SLC25A21: variants seen among roughly 807,000 people sequenced by gnomAD.
SLC25A21 encodes the protein mitochondrial 2-oxodicarboxylate carrier.
A neutral mutation model predicts 43.8 loss-of-function variants in SLC25A21; 47 were observed. The ratio of observed to expected loss-of-function variants is 1.07; its 90% confidence interval spans 0.85 to 1.37. SLC25A21 has a LOEUF of 1.37. Among genes scored for constraint, SLC25A21 ranks in the 40% most tolerant of loss-of-function variants. The probability of loss-of-function intolerance (pLI) is 0.00; values close to 1 mark genes in which losing one functional copy is unlikely to be tolerated. For missense variants in SLC25A21, 352 were observed against 350.2 expected, an observed-to-expected ratio of 1.00 and a Z score of -0.04; for synonymous variants, 131 against 121.3, an observed-to-expected ratio of 1.08 and a Z score of -0.52.
chr14:37,072,874 T>C (rs529680997), intron 1 of SLC25A21, among the ~76,000 whole-genome samples: 25 of 152,258 alleles, frequency 1.6e-4, no homozygotes, highest in Non-Finnish European at 3.4e-4. Flanking sequence ...CACATATACA[T>C]GTGTAGATAA....
intron 1 of SLC25A21, among the ~76,000 whole-genome samples, chr14:36,941,561 C>T (rs746390606): frequency 3.8e-4 from 57 of 151,778 alleles, no homozygotes; most frequent in South Asian, 6.2e-4. Context: ...CAGTATTTTC[C>T]GCACAGAAAA....
intron 1 of SLC25A21, among the ~76,000 whole-genome samples, chr14:36,943,030 C>T (rs1245017432): frequency 1.3e-5 from 2 of 152,104 alleles, no homozygotes; most frequent in African/African-American, 2.4e-5. Flanking sequence ...GAGTCAGAAA[C>T]GCAAATCTGA....
At chr14:36,781,460 T>C (rs892324397) in intron 3 of SLC25A21, among the ~76,000 whole-genome samples, 1 of 151,010 alleles carries the variant, frequency 6.6e-6, no homozygotes, top group African/African-American at 2.5e-5. Context: ...TGGTATGTGT[T>C]GATTTCTTTA....
At chr14:36,872,943 C>A (rs1255364161) in intron 2 of SLC25A21, among the ~76,000 whole-genome samples, 1 of 152,178 alleles carries the variant, frequency 6.6e-6, no homozygotes, top group East Asian at 1.9e-4. Context: ...CTGAAACCCA[C>A]ATGCACTAGA....
At chr14:36,732,826 T>C (rs903001344) in intron 4 of SLC25A21, among the ~76,000 whole-genome samples, 3 of 152,214 alleles carry the variant, frequency 2.0e-5, no homozygotes, top group African/African-American at 7.2e-5. Context: ...GCTATCCATC[T>C]GGCAAAGATA....
At chr14:36,958,020 T>C (rs922024469) in intron 1 of SLC25A21, among the ~76,000 whole-genome samples, 1 of 152,214 alleles carries the variant, frequency 6.6e-6, no homozygotes, top group Non-Finnish European at 1.5e-5. Flanking sequence ...GGGTTCACGT[T>C]AGCAGAAAAT....
At chr14:36,889,950 C>G (rs1308498079) in intron 1 of SLC25A21, among the ~76,000 whole-genome samples, 2 of 152,106 alleles carry the variant, frequency 1.3e-5, no homozygotes, top group Non-Finnish European at 2.9e-5. Context: ...TCTCCCTTTT[C>G]TAGGTGTTGG....
intron 1 of SLC25A21, among the ~76,000 whole-genome samples, chr14:36,894,085 TG>T (rs1286029195): frequency 6.6e-6 from 1 of 152,222 alleles, no homozygotes; most frequent in East Asian, 1.9e-4. Context: ...AGAAAGTCAT[TG>T]GTAGCTTGAT....
intron 2 of SLC25A21, among the ~76,000 whole-genome samples, chr14:36,873,650 A>G (rs1473323598): frequency 2.6e-5 from 4 of 152,080 alleles, no homozygotes; most frequent in Non-Finnish European, 5.9e-5. Context: ...TACAAACTGA[A>G]TGTTTGTGAC....
At chr14:36,878,183 A>G (rs528512246) in intron 1 of SLC25A21, among the ~76,000 whole-genome samples, 1 of 152,260 alleles carries the variant, frequency 6.6e-6, no homozygotes, top group African/African-American at 2.4e-5. Flanking sequence ...TTGGTGTCCC[A>G]TGCACCTCTA....
At chr14:36,784,680 T>C (rs982350314) in intron 3 of SLC25A21, among the ~76,000 whole-genome samples, 3 of 152,116 alleles carry the variant, frequency 2.0e-5, no homozygotes, top group African/African-American at 7.2e-5. Context: ...GGGAGTAGCT[T>C]AAGTAAAAGG....
chr14:37,021,260 GA>G (rs1250457324), intron 1 of SLC25A21, among the ~76,000 whole-genome samples: 2 of 151,954 alleles, frequency 1.3e-5, no homozygotes, highest in Admixed American at 1.3e-4. Context: ...CCTAGGGCCA[GA>G]GGGAGTGGGG....
At chr14:36,819,891 A>G (rs2138457896) in intron 2 of SLC25A21, among the ~76,000 whole-genome samples, 1 of 152,248 alleles carries the variant, frequency 6.6e-6, no homozygotes, top group Admixed American at 6.5e-5. Flanking sequence ...TTTTGCACCA[A>G]CCTAATATAA....
At chr14:36,987,618 T>C (rs1373954132) in intron 1 of SLC25A21, among the ~76,000 whole-genome samples, 1 of 152,152 alleles carries the variant, frequency 6.6e-6, no homozygotes. Context: ...ATAAGCATTA[T>C]TTTTGATGCT....
At chr14:36,994,367 A>G (rs1003101909) in intron 1 of SLC25A21, among the ~76,000 whole-genome samples, 4 of 152,240 alleles carry the variant, frequency 2.6e-5, no homozygotes, top group African/African-American at 9.6e-5. Context: ...GGGAAGGAAG[A>G]GAATAAGGTA....
At chr14:36,689,491 GT>G (rs1243868327) in intron 7 of SLC25A21, among the ~76,000 whole-genome samples, 1 of 152,174 alleles carries the variant, frequency 6.6e-6, no homozygotes, top group Non-Finnish European at 1.5e-5. Flanking sequence ...CTACCAATAT[GT>G]TTATGAAGTA....
chr14:36,877,793 G>A (rs918406606), intron 1 of SLC25A21, among the ~76,000 whole-genome samples: 5 of 152,130 alleles, frequency 3.3e-5, no homozygotes, highest in African/African-American at 9.7e-5. Flanking sequence ...TAGGGTTGAA[G>A]GCAGGGTATG....
chr14:36,902,524 G>T (rs553229845), intron 1 of SLC25A21, among the ~76,000 whole-genome samples: 1 of 152,080 alleles, frequency 6.6e-6, no homozygotes, highest in African/African-American at 2.4e-5. Flanking sequence ...ATATTCCAGG[G>T]GTTCTTAACC....
At chr14:36,922,113 T>C (rs1428553016) in intron 1 of SLC25A21, among the ~76,000 whole-genome samples, 1 of 147,606 alleles carries the variant, frequency 6.8e-6, no homozygotes, top group Admixed American at 6.8e-5. Context: ...CACTCCAGCC[T>C]GGGCAACAGA....
Sources: gnomAD v4.1 joint callset for allele counts (sites outside exome capture counted in the v4.1 genomes callset) on GRCh38, gnomAD v4.1.1 for gene constraint, MANE v1.5 for transcripts, NCBI Gene and HGNC (gene_info 2026-07-23, HGNC 2026-07-21) for gene names.